DHRSX: variants seen among roughly 807,000 people sequenced by gnomAD.
The protein encoded by DHRSX is polyprenol dehydrogenase.
In DHRSX, 31 loss-of-function variants were observed where a neutral mutation model predicts 34.0. That is an observed-to-expected ratio of 0.91 (90% CI 0.69 to 1.23). The LOEUF (loss-of-function observed/expected upper bound fraction) is 1.23, where lower values mean the gene tolerates loss of function less well. Ranked by LOEUF, DHRSX falls within the 50% of genes most tolerant of loss-of-function variation. The probability of loss-of-function intolerance (pLI) is 0.00; values close to 1 mark genes in which losing one functional copy is unlikely to be tolerated. For synonymous variants in DHRSX, 201 were observed against 183.8 expected (o/e 1.09, Z -0.76); for missense variants, 414 against 428.1 (o/e 0.97, Z 0.29).
chrX:2,431,018 G>C (rs945555165), intron 1 of DHRSX, among the ~76,000 whole-genome samples: 47 of 139,198 alleles, frequency 3.4e-4, no homozygotes, highest in African/African-American at 1.2e-3. Context: ...GAGCAAGACT[G>C]TCTCAAAACA....
chrX:2,250,458 A>G (rs2016411116), intron 5 of DHRSX, among the ~76,000 whole-genome samples: 1 of 152,182 alleles, frequency 6.6e-6, no homozygotes, highest in African/African-American at 2.4e-5. Context: ...TCTCTATCAT[A>G]TGCTAAACAA....
chrX:2,304,089 GTGGATTGATGGA>G (rs1569485828), intron 3 of DHRSX, among the ~76,000 whole-genome samples: 1 of 117,578 alleles, frequency 8.5e-6, no homozygotes, highest in African/African-American at 3.1e-5. Context: ...GGGTGGGTGG[GTGGATTGATGGA>G]TGGATAGATG....
At chrX:2,393,210 T>C (rs1234434970) in intron 3 of DHRSX, among the ~76,000 whole-genome samples, 1 of 150,754 alleles carries the variant, frequency 6.6e-6, no homozygotes, top group Admixed American at 6.6e-5. Context: ...TATAAATGTG[T>C]ATACAATAAA....
chrX:2,448,039 A>G, intron 1 of DHRSX, among the ~76,000 whole-genome samples: 1 of 151,916 alleles, frequency 6.6e-6, no homozygotes, highest in Non-Finnish European at 1.5e-5. Flanking sequence ...TAAAAAAAAA[A>G]CAAAAACAAA....
chrX:2,304,315 G>GAACT (rs1569485948), intron 3 of DHRSX, among the ~76,000 whole-genome samples: 4 of 130,206 alleles, frequency 3.1e-5, no homozygotes, highest in African/African-American at 1.4e-4. Flanking sequence ...ATGGATGAAT[G>GAACT]GATGGATGGA....
At chrX:2,355,044 G>A (rs773445056) in intron 3 of DHRSX, among the ~76,000 whole-genome samples, 2 of 152,202 alleles carry the variant, frequency 1.3e-5, no homozygotes, top group African/African-American at 4.8e-5. Flanking sequence ...ATTTATGTGG[G>A]GCGAGGCAGA....
intron 2 of DHRSX, among the ~76,000 whole-genome samples, chrX:2,419,640 C>A (rs1350698560): frequency 1.3e-5 from 2 of 151,892 alleles, no homozygotes; most frequent in East Asian, 1.9e-4. Context: ...ATGCAGCCAT[C>A]AAAAATGATG....
chrX:2,300,314 C>T (rs1186121392), intron 3 of DHRSX, among the ~76,000 whole-genome samples: 4 of 152,150 alleles, frequency 2.6e-5, no homozygotes, highest in African/African-American at 9.7e-5. Context: ...CCTGTAGGAG[C>T]TCAAAAGGGT....
At position 2,375,473 on chromosome X, in the gene DHRSX, G is replaced by A. The variant is rs182251563; in HGVS notation, c.286+33272C>T. Among the ~76,000 whole-genome samples, 6 of 138,072 alleles carry A rather than the reference G, an allele frequency of 4.3e-5. 2 individuals carry two copies. The highest frequency in any genetic ancestry group is 1.4e-4 in the Admixed American group (2 of 13,874). 90.6% of individuals were successfully genotyped at this position (138,072 alleles called of 152,430 possible). A position where few individuals can be genotyped will look rare whatever the true frequency, so the allele number is the denominator to read the frequency against. On this transcript the variant is annotated intron_variant, in intron 3 of 6. Transcript: ENST00000334651. The stretch of plus-strand genomic sequence containing the variant: ...GCAGTTTATATTTAGCTGGGCACAC[G>A]CCGTGTGGATGCCCGTTTTCTTCCT...
At chrX:2,266,633 C>G in intron 5 of DHRSX, 107 bp downstream of exon 5, 1 of 1,137,898 alleles carries the variant, frequency 8.8e-7, no homozygotes, top group Admixed American at 1.7e-5. Context: ...TCCCAGAGCA[C>G]CAGCGTCCAG....
chrX:2,472,970 T>C (rs2044616417), intron 1 of DHRSX, among the ~76,000 whole-genome samples: 1 of 151,968 alleles, frequency 6.6e-6, no homozygotes, highest in Non-Finnish European at 1.5e-5. Flanking sequence ...CTTCCAGAAA[T>C]CCCCGAGACT....
chrX:2,488,281 ATT>A (rs1174288445), intron 1 of DHRSX: 2 of 242,308 alleles, frequency 8.3e-6, no homozygotes, highest in Non-Finnish European at 1.6e-5. Flanking sequence ...GGTTCAAGCG[ATT>A]CTCTGGCCTC....
intron 5 of DHRSX, among the ~76,000 whole-genome samples, chrX:2,254,356 G>A (rs148521265): frequency 0.01 from 1,546 of 152,202 alleles, 100 homozygotes; most frequent in East Asian, 0.012. Context: ...AAACTCAATC[G>A]ACTGCTCATA....
At chrX:2,500,337 C>A in intron 1 of DHRSX, 2 of 186,022 alleles carry the variant, frequency 1.1e-5, no homozygotes, top group Non-Finnish European at 2.3e-5. Flanking sequence ...GTCGAGGTCC[C>A]TGGGACGCCC....
intron 3 of DHRSX, among the ~76,000 whole-genome samples, chrX:2,364,935 A>G (rs2042980095): frequency 6.6e-6 from 1 of 152,144 alleles, no homozygotes; most frequent in African/African-American, 2.4e-5. Context: ...ACTAATATCT[A>G]TCTATGTATC....
intron 3 of DHRSX, among the ~76,000 whole-genome samples, chrX:2,317,548 G>A (rs1299094625): frequency 6.6e-6 from 1 of 151,976 alleles, no homozygotes; most frequent in African/African-American, 2.4e-5. Context: ...CACTGCGTGC[G>A]GCCCTGTGCT....
At chrX:2,411,926 C>T (rs887316773) in intron 2 of DHRSX, among the ~76,000 whole-genome samples, 3 of 152,076 alleles carry the variant, frequency 2.0e-5, no homozygotes, top group Non-Finnish European at 4.4e-5. Context: ...ATGGTGGCAC[C>T]GTCAACGCTG....
At chrX:2,443,901 G>A in intron 1 of DHRSX, among the ~76,000 whole-genome samples, 1 of 152,112 alleles carries the variant, frequency 6.6e-6, no homozygotes, top group Non-Finnish European at 1.5e-5. Flanking sequence ...AGCTACTCGG[G>A]AGGCTGAGGC....
At chrX:2,337,287 C>T (rs2042580993) in intron 3 of DHRSX, among the ~76,000 whole-genome samples, 1 of 152,024 alleles carries the variant, frequency 6.6e-6, no homozygotes, top group Admixed American at 6.6e-5. Context: ...ATGGACACTT[C>T]AAACTTTCAT....
Sources: gnomAD v4.1 joint callset for allele counts (sites outside exome capture counted in the v4.1 genomes callset) on GRCh38, gnomAD v4.1.1 for gene constraint, MANE v1.5 for transcripts, NCBI Gene and HGNC (gene_info 2026-07-23, HGNC 2026-07-21) for gene names.